Variants in SPG11 observed in about 807,000 individuals in gnomAD.
SPG11 encodes the protein SPG11 vesicle trafficking associated, spatacsin.
SPG11 carries 222 observed loss-of-function variants against 274.0 expected under a neutral mutation model. That is an observed-to-expected ratio of 0.81 (90% CI 0.73 to 0.91). The LOEUF (loss-of-function observed/expected upper bound fraction) is 0.91. Ranked by LOEUF, SPG11 falls within the 40% of genes least tolerant of loss-of-function variation. The pLI is 0.00. For synonymous variants in SPG11, 1,144 were observed against 1,039.7 expected, an observed-to-expected ratio of 1.10 and a Z score of -1.93; for missense variants, 3,114 against 2,872.7, an observed-to-expected ratio of 1.08 and a Z score of -1.92.
intron 39 of SPG11, 62 bp downstream of exon 39, chr15:44,564,485 C>T: frequency 1.3e-6 from 2 of 1,566,846 alleles, no homozygotes; most frequent in South Asian, 1.1e-5. Flanking sequence ...AAAATTCTTA[C>T]ACTTGTCTCA....
At chr15:44,592,848 C>G (rs1036058811) in intron 26 of SPG11, among the ~76,000 whole-genome samples, 1 of 151,634 alleles carries the variant, frequency 6.6e-6, no homozygotes, top group African/African-American at 2.4e-5. Flanking sequence ...TAACATTAGC[C>G]AAGTGTGGTG....
chr15:44,649,032 A>G (rs749288547), intron 6 of SPG11, 21 bp from the exon 7 acceptor site: 1 of 1,597,014 alleles, frequency 6.3e-7, no homozygotes, highest in Non-Finnish European at 8.6e-7. Flanking sequence ...AATAAAAGTT[A>G]GCTTTAACAA....
At chr15:44,595,527 G>A in intron 25 of SPG11, 68 bp from the exon 26 acceptor site, 1 of 1,485,652 alleles carries the variant, frequency 6.7e-7, no homozygotes, top group East Asian at 2.3e-5. Context: ...TACTACAGAT[G>A]GATATTTCCT....
intron 10 of SPG11, among the ~76,000 whole-genome samples, chr15:44,627,272 T>C (rs1283295472): frequency 6.6e-6 from 1 of 152,150 alleles, no homozygotes; most frequent in African/African-American, 2.4e-5. Context: ...ATACTTAAAC[T>C]GAAGATCTAA....
chr15:44,638,672 T>C (rs2084353411), intron 7 of SPG11, among the ~76,000 whole-genome samples: 1 of 152,146 alleles, frequency 6.6e-6, no homozygotes, highest in East Asian at 1.9e-4. Flanking sequence ...TTTCTTCACC[T>C]GGATGGTGGT....
In SPG11 at chr15:44,584,346, C is replaced by T. The variant is rs369354037; in HGVS notation, c.5334G>A (p.Leu1778=). ...CCTCCTGGGCAAGCCAGTGCCCTGC[C>T]AAGGTGAGCAGCAGATGGCGCTCCT... ...SMEERHLLLT[L]AGHWLAQEDV... Residue 1778 remains leucine, a synonymous_variant, in exon 30 of 40, where the codon TTG becomes TTA. Coordinates refer to ENST00000261866, the MANE Select transcript of SPG11 (RefSeq NM_025137.4). 1 of 1,610,940 alleles carries T rather than the reference C, an allele frequency of 6.2e-7. No individual in the cohort carries two copies. The highest frequency in any genetic ancestry group is 8.5e-7 in the Non-Finnish European group (1 of 1,177,842).
In SPG11 at chr15:44,584,010, A is replaced by G. The variant is rs773913255; in HGVS notation, c.5670T>C (p.Cys1890=). ...FLIGRLLDDG[C]VHEASRVCRY... Reference sequence around the variant, plus strand: ...GGCATACTCTACTTGCTTCATGCACACAGCCATCATCCAGTAGGCGCCCAA... The same window carrying G: ...GGCATACTCTACTTGCTTCATGCACGCAGCCATCATCCAGTAGGCGCCCAA... Residue 1890 remains cysteine, a synonymous_variant, in exon 30 of 40, where the codon TGT becomes TGC. Transcript: ENST00000261866. The G allele has an allele frequency of 6.2e-7, 1 of 1,614,264 alleles. No individual in the cohort carries two copies. Among genetic ancestry groups the G allele is most frequent in the Non-Finnish European group, 8.5e-7 (1 of 1,180,052 alleles).
chr15:44,586,457 T>C (rs1487500311), intron 28 of SPG11, among the ~76,000 whole-genome samples: 1 of 151,412 alleles, frequency 6.6e-6, no homozygotes, highest in Admixed American at 6.6e-5. Flanking sequence ...GCCTGGCCAA[T>C]ATGGTGAAAC....
intron 21 of SPG11, 128 bp from the exon 22 acceptor site, chr15:44,598,964 C>G: frequency 2.1e-6 from 2 of 938,942 alleles, no homozygotes; most frequent in Non-Finnish European, 1.7e-6. Flanking sequence ...TCTCCCTTAC[C>G]TTTTGCCCCT....
At chr15:44,570,195 G>T (rs113812984) in intron 34 of SPG11, among the ~76,000 whole-genome samples, 102 of 152,180 alleles carry the variant, frequency 6.7e-4, no homozygotes, top group Non-Finnish European at 2.2e-4. Flanking sequence ...ATTCAGAGAT[G>T]GGGGGAAGGT....
At chr15:44,627,072 C>A (rs936823709) in intron 10 of SPG11, among the ~76,000 whole-genome samples, 2 of 152,042 alleles carry the variant, frequency 1.3e-5, no homozygotes, top group Admixed American at 1.3e-4. Context: ...ATGAGCCTTG[C>A]GTTTGAGGTA....
At chr15:44,612,383 T>C (rs2083484042) in intron 17 of SPG11, among the ~76,000 whole-genome samples, 1 of 152,198 alleles carries the variant, frequency 6.6e-6, no homozygotes, top group South Asian at 2.1e-4. Context: ...ACCTAGGCTA[T>C]CTACCTATGG....
At chr15:44,605,724 C>A (rs2083301477) in intron 20 of SPG11, among the ~76,000 whole-genome samples, 1 of 152,040 alleles carries the variant, frequency 6.6e-6, no homozygotes, top group African/African-American at 2.4e-5. Context: ...AATGCTGACA[C>A]CTATGCTTTT....
In SPG11 at chr15:44,659,129, G is replaced by GT. The variant is rs756103019; in HGVS notation, c.616dup (p.Thr206AsnfsTer13). The GT allele has an allele frequency of 3.7e-6, 6 of 1,614,190 alleles. No homozygotes were observed. The highest frequency in any genetic ancestry group is 5.1e-6 in the Non-Finnish European group (6 of 1,180,046). Reference sequence around the variant, plus strand: ...AAAAAGAATTCCTCTGCAGAGCTGCGTGTCAATAATCATGTCCACTGCCTG... The same window carrying GT: ...AAAAAGAATTCCTCTGCAGAGCTGCGTTGTCAATAATCATGTCCACTGCCTG... On this transcript the variant is annotated frameshift_variant, in exon 3 of 40. Coordinates refer to ENST00000261866, the MANE Select transcript of SPG11 (RefSeq NM_025137.4). LOFTEE classifies it high-confidence loss of function.
intron 30 of SPG11, among the ~76,000 whole-genome samples, chr15:44,579,928 T>C (rs1025992433): frequency 1.3e-5 from 2 of 152,222 alleles, no homozygotes; most frequent in Non-Finnish European, 2.9e-5. Context: ...ATAAATTTAG[T>C]GTAGCCTAAA....
At chr15:44,610,742 T>C (rs1325131774) in intron 18 of SPG11, 98 bp downstream of exon 18, 3 of 1,190,910 alleles carry the variant, frequency 2.5e-6, no homozygotes, top group South Asian at 2.5e-5. Flanking sequence ...TACTTGAATA[T>C]AGTTATATTT....
chr15:44,613,507 T>TC lies in SPG11; in HGVS notation c.3067dup (p.Glu1023GlyfsTer7). 1 of 1,613,702 alleles carries TC rather than the reference T, an allele frequency of 6.2e-7. No individual in the cohort carries two copies. The highest frequency in any genetic ancestry group is 8.5e-7 in the Non-Finnish European group (1 of 1,179,722). ...GTGTGCTTCATGTAACTCTTTTTTTTCCAAAAAGGGACAATTTTCAGGACT... is the reference window on the plus strand; with the variant it reads ...GTGTGCTTCATGTAACTCTTTTTTTTCCCAAAAAGGGACAATTTTCAGGACT... On this transcript the variant is annotated frameshift_variant, in exon 17 of 40. Coordinates refer to ENST00000261866, the MANE Select transcript of SPG11 (RefSeq NM_025137.4). LOFTEE classifies it high-confidence loss of function.
intron 5 of SPG11, 50 bp from the exon 6 acceptor site, chr15:44,651,989 T>C (rs2084795322): frequency 6.3e-7 from 1 of 1,578,298 alleles, no homozygotes; most frequent in African/African-American, 1.4e-5. Context: ...TAAAAGGCAC[T>C]ATGTAAAACA....
Position 44,596,150 on chromosome 15 carries a change from T to C in SPG11, c.4367A>G (p.His1456Arg), listed in dbSNP as rs2083031803. ...TTTCACTGCTTCAACCAGAAGCCAG[T>C]GCCAGGAGTCTGGCTCCTCTGAGCA... ...LQCSEEPDSW[H>R]WLLVEAVKQQ... Residue 1456 changes from histidine to arginine, a missense_variant, in exon 25 of 40, where the codon CAC becomes CGC. His to Arg is a conservative substitution (Grantham distance 29). Transcript: ENST00000261866. The C allele has an allele frequency of 4.3e-6, 7 of 1,614,168 alleles. No individual in the cohort carries two copies. The South Asian group carries it at 7.7e-5, about 18-fold the overall frequency.
Sources: gnomAD v4.1 joint callset for allele counts (sites outside exome capture counted in the v4.1 genomes callset) on GRCh38, gnomAD v4.1.1 for gene constraint, MANE v1.5 for transcripts, NCBI Gene and HGNC (gene_info 2026-07-23, HGNC 2026-07-21) for gene names.